The following MYBBP1A variants were observed in gnomAD, a reference collection of about 807,000 sequenced individuals.
MYBBP1A encodes MYB binding protein 1a.
In MYBBP1A, 147 loss-of-function variants were observed where a neutral mutation model predicts 136.3. That is an observed-to-expected ratio of 1.08 (90% CI 0.94 to 1.24). The LOEUF (loss-of-function observed/expected upper bound fraction) is 1.24. Ranked by LOEUF, MYBBP1A falls within the 50% of genes most tolerant of loss-of-function variation. The pLI is 0.00. For synonymous variants in MYBBP1A, 947 were observed against 735.8 expected, an observed-to-expected ratio of 1.29 and a Z score of -4.65; for missense variants, 2,060 against 1,727.4, an observed-to-expected ratio of 1.19 and a Z score of -3.41.
At chr17:4,554,173 A>C (rs1435082732) in intron 3 of MYBBP1A, 22 bp downstream of exon 3, 2 of 1,612,874 alleles carry the variant, frequency 1.2e-6, no homozygotes, top group African/African-American at 1.3e-5. Context: ...GGGGCTGCTG[A>C]CCTCCCTGGC....
Position 4,554,928 on chromosome 17 carries a change from C to T in MYBBP1A, c.227G>A (p.Arg76His). ...CCCGACCCCGAGTCCCGTGATTAGA[C>T]GCTTCAGGGCATATTTCATCTCGGA... ...KGSEMKYALK[R>H]LITGLGVGRE... is the part of the protein sequence containing the mutation. Residue 76 changes from arginine (R) to histidine (H), a missense_variant, in exon 2 of 26, where the codon CGT (arginine) becomes CAT (histidine). Transcript: ENST00000254718. 6.2e-7 allele frequency: 1 copy of T among 1,613,554 alleles called. No individual in the cohort carries two copies. The highest frequency in any genetic ancestry group is 8.5e-7 in the Non-Finnish European group (1 of 1,180,016).
At chr17:4,545,783 C>A in intron 14 of MYBBP1A, 22 bp from the exon 15 acceptor site, 1 of 1,606,876 alleles carries the variant, frequency 6.2e-7, no homozygotes, top group Non-Finnish European at 8.5e-7. Flanking sequence ...AGGGGTTGAG[C>A]CCGGATAGGG....
rs1016019027 is a variant in MYBBP1A, at chr17:4,548,781, C to G, written c.1431-132G>C. 57 of 1,278,694 alleles carry G rather than the reference C, an allele frequency of 4.5e-5. No individual in the cohort carries two copies. Among genetic ancestry groups the G allele is most frequent in the Non-Finnish European group, 5.9e-5 (55 of 934,930 alleles). The allele number at this position is 1,278,694 out of a possible 1,614,324, so 79.2% of individuals were successfully genotyped here. ...CCGCCCTTCTGCCCTGGGTACAGTC[C>G]TCGGGGGCCTGACGGGCAAGGCTGG... On this transcript the variant is annotated intron_variant, in intron 10 of 25. Transcript: ENST00000254718. The surrounding 1 kb of genome is among the most constrained non-coding windows in gnomAD (Gnocchi z 4.2).
At chr17:4,545,426 T>A (rs966772544) in intron 15 of MYBBP1A, 81 bp from the exon 16 acceptor site, 13 of 1,573,014 alleles carry the variant, frequency 8.3e-6, no homozygotes, top group Non-Finnish European at 1.1e-5. Context: ...ACCAAAGACC[T>A]CCATTTCCCA....
intron 9 of MYBBP1A, among the ~76,000 whole-genome samples, chr17:4,549,663 G>A (rs1237553090): frequency 6.6e-6 from 1 of 151,888 alleles, no homozygotes; most frequent in Non-Finnish European, 1.5e-5. Flanking sequence ...TGTAGTCCCA[G>A]CTACTGGAGA....
chr17:4,551,989 C>A lies in MYBBP1A; in HGVS notation c.914G>T (p.Cys305Phe). ...CAGGGCCGCGCCCAGCAGGCGGAAA[C>A]ACAGGTAGCTAAAGGGGGTGCAGGA... is the stretch of plus-strand genomic sequence containing the variant. Reference protein sequence around the residue: ...KMQFWPASYLCFRLLGAALPL... With the variant: ...KMQFWPASYLFFRLLGAALPL... The change falls in exon 8 of 26, where the codon TGT (cysteine) becomes TTT (phenylalanine). Residue 305 changes from cysteine (C) to phenylalanine (F), a missense_variant. By Grantham distance (205) the Cys-to-Phe change is radical. Transcript: ENST00000254718. 1 of 1,608,896 alleles carries A rather than the reference C, an allele frequency of 6.2e-7. No individual in the cohort carries two copies. Among genetic ancestry groups the A allele is most frequent in the Non-Finnish European group, 8.5e-7 (1 of 1,176,330 alleles).
In MYBBP1A at chr17:4,544,616, T is replaced by C. The variant is rs1424865638; in HGVS notation, c.2512A>G (p.Lys838Glu). 4 of 1,589,074 alleles carry C rather than the reference T, an allele frequency of 2.5e-6. No homozygotes were observed. Among genetic ancestry groups the C allele is most frequent in the African/African-American group, 2.7e-5 (2 of 73,164 alleles). ...AGGACCAGGGCATTCTCGGGCTGCT[T>C]GGTCACTAGCACCTCCACCAGGTCC... is the stretch of plus-strand genomic sequence containing the variant. The part of the protein sequence containing the change: ...VLDLVEVLVT[K>E]QPENALVLEL... The change falls in exon 19 of 26, where the codon AAG becomes GAG. Residue 838 changes from lysine to glutamate, a missense_variant. By Grantham distance (56) the Lys-to-Glu change is moderately conservative (BLOSUM62 1). Coordinates refer to ENST00000254718, the MANE Select transcript of MYBBP1A (RefSeq NM_014520.4).
chr17:4,550,500 C>A, intron 8 of MYBBP1A, 147 bp from the exon 9 acceptor site: 1 of 875,782 alleles, frequency 1.1e-6, no homozygotes, highest in Admixed American at 2.4e-5. Flanking sequence ...CTTGTGCCCA[C>A]TACAGGTTAA....
intron 24 of MYBBP1A, 58 bp from the exon 25 acceptor site, chr17:4,540,542 C>A (rs1906318694): frequency 6.6e-7 from 1 of 1,506,062 alleles, no homozygotes. Context: ...CTCTCGCGGG[C>A]TCCCAGTCTT....
chr17:4,544,576 G>A lies in MYBBP1A; in HGVS notation c.2552C>T (p.Pro851Leu), dbSNP rs771186655. The change falls in exon 19 of 26, where the codon CCG becomes CTG. Residue 851 changes from proline (P) to leucine (L), a missense_variant. Transcript: ENST00000254718. The part of the protein sequence containing the change: ...ENALVLELLE[P>L]LLSIIRRSLR... ...GCTGCGCCGGATGATGCTCAGCAGC[G>A]GCTCCAGCAGCTCCAGGACCAGGGC... 1.5e-4 allele frequency: 243 copies of A among 1,575,812 alleles called. No homozygotes were observed. Among genetic ancestry groups the A allele is most frequent in the Admixed American group, 2.4e-4 (13 of 55,042 alleles).
Position 4,548,826 on chromosome 17 carries a change from G to C in MYBBP1A, c.1431-177C>G, listed in dbSNP as rs1907244211. ...GGCTGGAGGGGGCTGGGCTGGGCTAGGATGGGAAGGGGCCGTTTCTCTGCT... is the reference window on the plus strand; with the variant it reads ...GGCTGGAGGGGGCTGGGCTGGGCTACGATGGGAAGGGGCCGTTTCTCTGCT... On this transcript the variant is annotated intron_variant, in intron 10 of 25. Coordinates refer to ENST00000254718, the MANE Select transcript of MYBBP1A (RefSeq NM_014520.4). The surrounding 1 kb of genome is among the most constrained non-coding windows in gnomAD (Gnocchi z 4.2). 6.6e-6 allele frequency among the ~76,000 whole-genome samples: 1 copy of C among 152,226 alleles called. No homozygotes were observed. The highest frequency in any genetic ancestry group is 6.5e-5 in the Admixed American group (1 of 15,286).
chr17:4,552,432 C>T lies in MYBBP1A; in HGVS notation c.737+19G>A, dbSNP rs1371667466. ...TCCCTTGGCCCCAGGGAGGGCAAAT[C>T]CGCCCACCTCCATCACACCTGGGGA... On this transcript the variant is annotated intron_variant, in intron 6 of 25. Coordinates refer to ENST00000254718, the MANE Select transcript of MYBBP1A (RefSeq NM_014520.4). The surrounding 1 kb of genome is among the most constrained non-coding windows in gnomAD (Gnocchi z 4.7). 2 of 1,610,048 alleles carry T rather than the reference C, an allele frequency of 1.2e-6. No individual in the cohort carries two copies. The highest frequency in any genetic ancestry group is 1.7e-6 in the Non-Finnish European group (2 of 1,178,794).
rs1191119277 is a variant in MYBBP1A at position 4,552,328 on chromosome 17, C to G, written c.738-36G>C. The G allele has an allele frequency of 3.1e-6, 5 of 1,611,934 alleles. No individual in the cohort carries two copies. Among genetic ancestry groups the G allele is most frequent in the African/African-American group, 2.7e-5 (2 of 74,918 alleles). ...CAAGGGACTCAGGGAACACTTGCCT[C>G]ACAGGCAAGGGCCAGGGTGACAAGA... On this transcript the variant is annotated intron_variant, in intron 6 of 25. Transcript: ENST00000254718. The surrounding 1 kb of genome is among the most constrained non-coding windows in gnomAD (Gnocchi z 4.7).
At chr17:4,542,037 C>T (rs915101652) in intron 22 of MYBBP1A, 146 bp from the exon 23 acceptor site, 4 of 635,520 alleles carry the variant, frequency 6.3e-6, no homozygotes, top group Non-Finnish European at 1.1e-5. Flanking sequence ...TGACTACCTG[C>T]TCCTGTGCCT....
At chr17:4,544,999 G>GCACCCCCCCCCCCCCCC in intron 17 of MYBBP1A, 27 bp downstream of exon 17, 1 of 498,358 alleles carries the variant, frequency 2.0e-6, no homozygotes, top group Admixed American at 9.0e-5. Flanking sequence ...CTCCCCGGCC[G>GCACCCCCCCCCCCCCCC]CCCCCCCCTC....
chr17:4,555,360 C>A lies in MYBBP1A; in HGVS notation c.-36G>T. On this transcript the variant is annotated 5_prime_UTR_variant, in exon 1 of 26. Transcript: ENST00000254718. ...CTCACCGAAACACGAAACACGTGTG[C>A]TCCGGCCCCAGCCGCTTCCAGGTCA... 5 of 1,565,950 alleles carry A rather than the reference C, an allele frequency of 3.2e-6. No homozygotes were observed. Among genetic ancestry groups the A allele is most frequent in the Non-Finnish European group, 4.3e-6 (5 of 1,155,452 alleles).
Position 4,548,543 on chromosome 17 carries a change from C to T in MYBBP1A, c.1537G>A (p.Val513Ile), listed in dbSNP as rs202178214. The T allele has an allele frequency of 6.2e-7, 1 of 1,614,162 alleles. No homozygotes were observed. The highest frequency in any genetic ancestry group is 1.7e-5 in the Admixed American group (1 of 60,032). The change falls in exon 11 of 26, where the codon GTC (valine) becomes ATC (isoleucine). Residue 513 changes from valine (V) to isoleucine (I), a missense_variant. Transcript: ENST00000254718. This position sits in a 1 kb window ranked among gnomAD's most constrained non-coding sequence, Gnocchi z 4.2. ...ACTCACCTGAAGAAGGCACTGCTGACAGCCTCTCGGGCCTGGTTTTCCAAA... is the reference window on the plus strand; with the variant it reads ...ACTCACCTGAAGAAGGCACTGCTGATAGCCTCTCGGGCCTGGTTTTCCAAA... ...FPLENQAREAVSSAFFSLLQT... is the reference protein window; with the variant it reads ...FPLENQAREAISSAFFSLLQT...
chr17:4,550,905 G>A (rs1026965560), intron 8 of MYBBP1A, among the ~76,000 whole-genome samples: 3 of 152,272 alleles, frequency 2.0e-5, no homozygotes, highest in Non-Finnish European at 4.4e-5. Context: ...TCATTGCACA[G>A]GTGAGTACAG....
chr17:4,539,344 TAAAAAAAA>T lies in MYBBP1A; in HGVS notation c.*63_*70del, dbSNP rs372363229. On this transcript the variant is annotated 3_prime_UTR_variant, in exon 26 of 26. Transcript: ENST00000254718. ...CAGCTTGCGTATTAAAATCATGGTT[TAAAAAAAA>T]AAAAAAAAAATAGGCGTCTCAGGCA... The T allele has an allele frequency of 6.4e-6, 9 of 1,402,348 alleles. No homozygotes were observed. Among genetic ancestry groups the T allele is most frequent in the African/African-American group, 3.0e-5 (2 of 66,088 alleles). The allele number at this position is 1,402,348 out of a possible 1,614,324, so 86.9% of individuals were successfully genotyped here. A position where few individuals can be genotyped will look rare whatever the true frequency, so the allele number is the denominator to read the frequency against.
Sources: gnomAD v4.1 joint callset for allele counts (sites outside exome capture counted in the v4.1 genomes callset) on GRCh38, gnomAD v4.1.1 for gene constraint, Gnocchi (gnomAD v3.1) non-coding constraint, MANE v1.5 for transcripts, NCBI Gene and HGNC (gene_info 2026-07-23, HGNC 2026-07-21) for gene names.